The following UBE2R2 variants were observed in gnomAD, a reference collection of about 807,000 sequenced individuals.
UBE2R2 encodes ubiquitin-conjugating enzyme E2 R2.
Under a neutral mutation model 27.8 loss-of-function variants are expected in UBE2R2, and 1 was observed. The observed-to-expected ratio is 0.04, with a 90% confidence interval of 0.01 to 0.17. UBE2R2 has a LOEUF of 0.17. Ranked by LOEUF, UBE2R2 falls within the 10% of genes least tolerant of loss-of-function variation. UBE2R2 has a pLI of 1.00. For missense variants in UBE2R2, 100 were observed against 291.0 expected (o/e 0.34, Z 4.78); for synonymous variants, 106 against 113.3 (o/e 0.94, Z 0.41).
intron 1 of UBE2R2, among the ~76,000 whole-genome samples, chr9:33,861,340 G>T (rs896800636): frequency 6.6e-6 from 1 of 151,924 alleles, no homozygotes; most frequent in Non-Finnish European, 1.5e-5. Flanking sequence ...GGCCGAGGCG[G>T]GCAGATTGCC....
intron 1 of UBE2R2, among the ~76,000 whole-genome samples, chr9:33,878,757 A>G (rs1821669411): frequency 6.6e-6 from 1 of 152,202 alleles, no homozygotes; most frequent in Admixed American, 6.6e-5. Context: ...TTTATGCTGT[A>G]TGCTGAAGAG....
At position 33,851,603 on chromosome 9, in the gene UBE2R2, A is replaced by C. The variant is rs774601730; in HGVS notation, c.177+33669A>C. On this transcript the variant is annotated intron_variant, in intron 1 of 4. Coordinates refer to ENST00000263228, the MANE Select transcript of UBE2R2 (RefSeq NM_017811.4). The stretch of plus-strand genomic sequence containing the variant: ...GTTCTTTATATTCTTTTTAGGTGGT[A>C]CATGATTTTGATTTGTCTCATTTCT... 1.4e-4 allele frequency among the ~76,000 whole-genome samples: 22 copies of C among 152,158 alleles called. 1 individual carries two copies. The highest frequency in any genetic ancestry group is 2.4e-4 in the Non-Finnish European group (16 of 68,020).
At chr9:33,863,844 C>T (rs1002442057) in intron 1 of UBE2R2, among the ~76,000 whole-genome samples, 4 of 151,900 alleles carry the variant, frequency 2.6e-5, no homozygotes, top group East Asian at 3.9e-4. Context: ...TGTACCACCA[C>T]GCCTGGCCAA....
intron 2 of UBE2R2, among the ~76,000 whole-genome samples, chr9:33,894,050 C>T (rs552766126): frequency 6.6e-6 from 1 of 152,170 alleles, no homozygotes; most frequent in East Asian, 1.9e-4. Context: ...AATTTTTTCT[C>T]ATAGCAGCTG....
Position 33,895,436 on chromosome 9 carries a change from C to T in UBE2R2, c.265-4738C>T, listed in dbSNP as rs149154877. Among the ~76,000 whole-genome samples the T allele has an allele frequency of 4.0e-3, 606 of 152,324 alleles. 2 individuals are homozygous for T. The highest frequency in any genetic ancestry group is 0.014 in the African/African-American group (586 of 41,574). On this transcript the variant is annotated intron_variant, in intron 2 of 4. Coordinates refer to ENST00000263228, the MANE Select transcript of UBE2R2 (RefSeq NM_017811.4). ...TTATATGTCTGTCATTATGCCAGTA[C>T]TGAACAACATGGTTGTCTTTGTAGT...
intron 1 of UBE2R2, among the ~76,000 whole-genome samples, chr9:33,866,675 T>C (rs920827139): frequency 7.2e-5 from 11 of 152,214 alleles, no homozygotes; most frequent in African/African-American, 2.7e-4. Flanking sequence ...TTGCCAGTAC[T>C]ACAAGAAGCC....
intron 1 of UBE2R2, among the ~76,000 whole-genome samples, chr9:33,861,397 C>G (rs1262530206): frequency 6.6e-6 from 1 of 152,030 alleles, no homozygotes; most frequent in Admixed American, 6.5e-5. Flanking sequence ...TCTACAAACC[C>G]CATCTCTACA....
chr9:33,869,362 G>A (rs1821431624), intron 1 of UBE2R2, among the ~76,000 whole-genome samples: 1 of 151,894 alleles, frequency 6.6e-6, no homozygotes, highest in Non-Finnish European at 1.5e-5. Context: ...CACATTGGGG[G>A]TTACCTAAAT....
chr9:33,916,035 G>A (rs1233085706), intron 4 of UBE2R2, among the ~76,000 whole-genome samples: 1 of 152,104 alleles, frequency 6.6e-6, no homozygotes, highest in Non-Finnish European at 1.5e-5. Flanking sequence ...TTGAAGGGCT[G>A]GAGAAAATAC....
At chr9:33,833,001 C>A (rs2252367) in intron 1 of UBE2R2, among the ~76,000 whole-genome samples, 61,654 of 151,890 alleles carry the variant, frequency 0.41, 12,837 homozygotes, top group African/African-American at 0.48. Flanking sequence ...TCTGAGGACT[C>A]AGAGTTATTA....
intron 2 of UBE2R2, among the ~76,000 whole-genome samples, chr9:33,896,174 A>AG (rs1160914417): frequency 6.6e-6 from 1 of 152,140 alleles, no homozygotes; most frequent in Non-Finnish European, 1.5e-5. Context: ...CTGAGTTTTG[A>AG]TTATGTATCC....
chr9:33,873,169 C>T (rs1053586188), intron 1 of UBE2R2, among the ~76,000 whole-genome samples: 8 of 109,348 alleles, frequency 7.3e-5, no homozygotes, highest in Admixed American at 2.2e-4. Flanking sequence ...AGCAAGACTC[C>T]GTCTTAAAAA....
chr9:33,879,871 T>TTTTG (rs1293776797), intron 1 of UBE2R2, among the ~76,000 whole-genome samples: 4 of 149,030 alleles, frequency 2.7e-5, no homozygotes, highest in East Asian at 2.0e-4. Context: ...TTCCTCTTTA[T>TTTTG]TTTGTTTGTT....
intron 1 of UBE2R2, among the ~76,000 whole-genome samples, chr9:33,864,690 C>T (rs2130771881): frequency 6.6e-6 from 1 of 151,652 alleles, no homozygotes; most frequent in East Asian, 1.9e-4. Flanking sequence ...GCTGGGACTG[C>T]AGGCCTGCCA....
chr9:33,850,423 T>G (rs1450269501), intron 1 of UBE2R2, among the ~76,000 whole-genome samples: 1 of 152,140 alleles, frequency 6.6e-6, no homozygotes, highest in Non-Finnish European at 1.5e-5. Flanking sequence ...CTCAGTCACC[T>G]GTAACCATTC....
Position 33,920,019 on chromosome 9 carries a change from C to T in UBE2R2, c.*2782C>T, listed in dbSNP as rs1822771757. On this transcript the variant is annotated 3_prime_UTR_variant, in exon 5 of 5. Transcript: ENST00000263228. ...TTTTTGTAGAACCTTCTTTCCCTTA[C>T]CCTGGCAAATTGCTTCTTTACTTGC... is the stretch of plus-strand genomic sequence containing the variant. 6.6e-6 allele frequency: 1 copy of T among 152,300 alleles called. No individual in the cohort carries two copies. 9.4% of individuals were successfully genotyped at this position (152,300 alleles called of 1,614,324 possible). A position where few individuals can be genotyped will look rare whatever the true frequency, so the allele number is the denominator to read the frequency against.
chr9:33,863,951 G>T (rs1177432435), intron 1 of UBE2R2, among the ~76,000 whole-genome samples: 1 of 152,102 alleles, frequency 6.6e-6, no homozygotes, highest in Non-Finnish European at 1.5e-5. Flanking sequence ...CTGCTGAGTA[G>T]CTGGGATTAC....
chr9:33,877,695 C>T (rs1024088846), intron 1 of UBE2R2, among the ~76,000 whole-genome samples: 3 of 152,020 alleles, frequency 2.0e-5, no homozygotes, highest in Non-Finnish European at 4.4e-5. Flanking sequence ...TTCCAGTTGT[C>T]TTATCTAAAG....
chr9:33,839,172 G>C (rs2130737118), intron 1 of UBE2R2, among the ~76,000 whole-genome samples: 1 of 152,236 alleles, frequency 6.6e-6, no homozygotes, highest in Non-Finnish European at 1.5e-5. Context: ...AGTATAAGGA[G>C]GTCTGGCTTT....
Sources: gnomAD v4.1 joint callset for allele counts (sites outside exome capture counted in the v4.1 genomes callset) on GRCh38, gnomAD v4.1.1 for gene constraint, MANE v1.5 for transcripts, NCBI Gene and HGNC (gene_info 2026-07-23, HGNC 2026-07-21) for gene names.